CELF4: variants seen among roughly 807,000 people sequenced by gnomAD.
CELF4 encodes the protein CUG-BP- and ETR-3-like factor 4.
CELF4 carries 18 observed loss-of-function variants against 59.9 expected under a neutral mutation model. The ratio of observed to expected loss-of-function variants is 0.30; its 90% CI spans 0.21 to 0.45. The LOEUF is 0.45. Ranked by LOEUF, CELF4 falls within the 20% of genes least tolerant of loss-of-function variation. CELF4 has a pLI of 1.00. For synonymous variants in CELF4, 261 were observed against 267.1 expected, an observed-to-expected ratio of 0.98 and a Z score of 0.22; for missense variants, 456 against 689.0, an observed-to-expected ratio of 0.66 and a Z score of 3.79.
At chr18:37,542,093 G>A (rs1473950470) in intron 1 of CELF4, among the ~76,000 whole-genome samples, 1 of 152,146 alleles carries the variant, frequency 6.6e-6, no homozygotes, top group Non-Finnish European at 1.5e-5. Context: ...GATGGTGTTT[G>A]TGGGAGAAGG....
intron 1 of CELF4, chr18:37,529,008 A>G (rs542051283): frequency 6.6e-6 from 1 of 152,062 alleles, no homozygotes; most frequent in Non-Finnish European, 1.5e-5. Context: ...TTTACCCCAA[A>G]TTGCTACTTT....
intron 1 of CELF4, among the ~76,000 whole-genome samples, chr18:37,543,034 T>A (rs1256711095): frequency 6.6e-6 from 1 of 152,140 alleles, no homozygotes; most frequent in Non-Finnish European, 1.5e-5. Flanking sequence ...AATCTCTGCA[T>A]GGACTCAGCA....
At chr18:37,291,478 A>G (rs1294182080) in intron 3 of CELF4, among the ~76,000 whole-genome samples, 1 of 152,166 alleles carries the variant, frequency 6.6e-6, no homozygotes, top group Non-Finnish European at 1.5e-5. Context: ...AGCGAAGATA[A>G]AATGTGAAAC....
chr18:37,535,251 C>T (rs949629777), intron 1 of CELF4, among the ~76,000 whole-genome samples: 5 of 152,210 alleles, frequency 3.3e-5, no homozygotes, highest in Admixed American at 3.3e-4. Context: ...TGGAATCTGA[C>T]TCTTTAGATT....
chr18:37,497,557 C>G (rs140256670), intron 1 of CELF4, among the ~76,000 whole-genome samples: 8 of 151,346 alleles, frequency 5.3e-5, no homozygotes, highest in East Asian at 1.9e-4. Context: ...GAGGCTGAGA[C>G]AGGAGAGGCG....
chr18:37,549,947 A>G (rs1046058306), intron 1 of CELF4, among the ~76,000 whole-genome samples: 1 of 152,198 alleles, frequency 6.6e-6, no homozygotes, highest in East Asian at 1.9e-4. Flanking sequence ...AATCAAAATC[A>G]GTCGACATTA....
intron 3 of CELF4, among the ~76,000 whole-genome samples, chr18:37,319,114 A>T (rs796806910): frequency 3.3e-5 from 5 of 152,246 alleles, no homozygotes; most frequent in African/African-American, 1.2e-4. Context: ...TCCGTGTGTC[A>T]CTGCCTCCTG....
rs2090906740 is a variant in CELF4 at position 37,270,914 on chromosome 18, C to A, written c.953G>T (p.Gly318Val). Reference sequence around the variant, plus strand: ...TGCAGTGATGCCCGGAGGGGTGCTGCCACCTGGTTCCAGGCATACAGAAGG... The same window carrying A: ...TGCAGTGATGCCCGGAGGGGTGCTGACACCTGGTTCCAGGCATACAGAAGG... Reference protein sequence around the residue: ...AAAPMTPTSGGSTPPGITAPA... With the variant: ...AAAPMTPTSGVSTPPGITAPA... Residue 318 changes from glycine (G) to valine (V), a missense_variant, in exon 8 of 13, where the codon GGC (glycine) becomes GTC (valine). By Grantham distance (109) the Gly-to-Val change is moderately radical. This residue lies in a region of CELF4 where 256 missense variants were observed against 340.8 expected (regional missense o/e 0.75). Coordinates refer to ENST00000420428, the MANE Select transcript of CELF4 (RefSeq NM_020180.4). 1.2e-6 allele frequency: 2 copies of A among 1,604,088 alleles called. No homozygotes were observed. The highest frequency in any genetic ancestry group is 1.7e-6 in the Non-Finnish European group (2 of 1,175,066).
intron 1 of CELF4, among the ~76,000 whole-genome samples, chr18:37,526,985 GAC>G: frequency 6.6e-6 from 1 of 152,132 alleles, no homozygotes; most frequent in East Asian, 1.9e-4. Context: ...ATGGGCAGTA[GAC>G]CAGGAGCCTC....
chr18:37,286,904 G>A (rs1348324544), intron 3 of CELF4, among the ~76,000 whole-genome samples: 5 of 152,180 alleles, frequency 3.3e-5, no homozygotes, highest in Admixed American at 1.3e-4. Flanking sequence ...AAGGCCTGCT[G>A]GCCTCCCCGC....
At position 37,245,777 on chromosome 18, in the gene CELF4, T is replaced by C. The variant is rs1204774880; in HGVS notation, c.*45-580A>G. ...ATATATGTATATCTGGATATATGTGTAGAATATATTCACCTGCACATATGT... is the reference window on the plus strand; with the variant it reads ...ATATATGTATATCTGGATATATGTGCAGAATATATTCACCTGCACATATGT... On this transcript the variant is annotated intron_variant, in intron 12 of 12. Coordinates refer to ENST00000420428, the MANE Select transcript of CELF4 (RefSeq NM_020180.4). This position sits in a 1 kb window ranked among gnomAD's most constrained non-coding sequence, Gnocchi z 4.1. Among the ~76,000 whole-genome samples the C allele has an allele frequency of 6.6e-6, 1 of 152,210 alleles. No individual in the cohort carries two copies. Among genetic ancestry groups the C allele is most frequent in the Non-Finnish European group, 1.5e-5 (1 of 68,038 alleles).
At chr18:37,275,640 T>G in intron 3 of CELF4, 1 of 214,482 alleles carries the variant, frequency 4.7e-6, no homozygotes, top group Non-Finnish European at 9.4e-6. Context: ...TGCTATCCTC[T>G]ACAGGCTCCA....
At chr18:37,425,673 GA>G (rs1330265133) in intron 2 of CELF4, among the ~76,000 whole-genome samples, 1 of 152,222 alleles carries the variant, frequency 6.6e-6, no homozygotes, top group African/African-American at 2.4e-5. Context: ...ATTCAAGAAA[GA>G]AAAAAGCAGG....
intron 2 of CELF4, among the ~76,000 whole-genome samples, chr18:37,416,435 T>G (rs1470773691): frequency 6.6e-6 from 1 of 152,218 alleles, no homozygotes; most frequent in Non-Finnish European, 1.5e-5. Context: ...GTCCTTAGCT[T>G]GACTGCATAT....
intron 6 of CELF4, chr18:37,273,627 T>C (rs985847756): frequency 1.0e-6 from 1 of 989,266 alleles, no homozygotes; most frequent in African/African-American, 1.7e-5. Context: ...ACCCCTAGTG[T>C]TGTCACAAAG....
rs1346907646 is a variant in CELF4 at position 37,254,554 on chromosome 18, G to A, written c.1334-616C>T. 6.6e-6 allele frequency among the ~76,000 whole-genome samples: 1 copy of A among 152,054 alleles called. No homozygotes were observed. The highest frequency in any genetic ancestry group is 2.4e-5 in the African/African-American group (1 of 41,438). On this transcript the variant is annotated intron_variant, in intron 11 of 12. Transcript: ENST00000420428. The surrounding 1 kb of genome is among the most constrained non-coding windows in gnomAD (Gnocchi z 5.1). ...CCCACTCCCGGCCTCTGCCCGCCCCGCCAGGCTCCGGGTGGGCCCTGGGCG... is the reference window on the plus strand; with the variant it reads ...CCCACTCCCGGCCTCTGCCCGCCCCACCAGGCTCCGGGTGGGCCCTGGGCG...
chr18:37,287,984 A>G (rs1369408736), intron 3 of CELF4, among the ~76,000 whole-genome samples: 1 of 152,244 alleles, frequency 6.6e-6, no homozygotes, highest in East Asian at 1.9e-4. Flanking sequence ...TGCAAAGGTC[A>G]GAAAATCAGT....
chr18:37,470,885 T>A (rs201655707), intron 2 of CELF4, among the ~76,000 whole-genome samples: 14,258 of 74,696 alleles, frequency 0.19, 1,042 homozygotes, highest in East Asian at 0.26. Flanking sequence ...TGTGTGTGTG[T>A]GTGACAGAGA....
In CELF4 at chr18:37,275,314, G is replaced by A. The variant is rs538503560; in HGVS notation, c.449-71C>T. The A allele has an allele frequency of 4.8e-5, 74 of 1,553,730 alleles. No homozygotes were observed. The East Asian group carries it at 1.5e-3, about 31-fold the overall frequency. ...GCGCGGGAGCAGGGCAAGGCCGGAG[G>A]GGGAGAGCGGCAGGGAAAGGGAGGA... On this transcript the variant is annotated intron_variant, in intron 3 of 12. Transcript: ENST00000420428.
Sources: gnomAD v4.1 joint callset for allele counts (sites outside exome capture counted in the v4.1 genomes callset) on GRCh38, gnomAD v4.1.1 for gene constraint, gnomAD v4.1.1 regional missense constraint, Gnocchi (gnomAD v3.1) non-coding constraint, MANE v1.5 for transcripts, NCBI Gene and HGNC (gene_info 2026-07-23, HGNC 2026-07-21) for gene names.